The following MAGI2 variants were observed in gnomAD, a reference collection of about 807,000 sequenced individuals.
MAGI2 encodes membrane-associated guanylate kinase, WW and PDZ domain-containing protein 2.
MAGI2 carries 35 observed loss-of-function variants against 133.3 expected under a neutral mutation model. The observed-to-expected ratio is 0.26, with a 90% confidence interval of 0.20 to 0.35. The LOEUF is 0.35. Ranked by LOEUF, MAGI2 falls within the 10% of genes least tolerant of loss-of-function variation. The pLI is 1.00. For synonymous variants in MAGI2, 729 were observed against 710.6 expected (o/e 1.03, Z -0.41); for missense variants, 1,636 against 1,863.4 (o/e 0.88, Z 2.25).
chr7:79,229,118 T>C (rs1037916367), intron 1 of MAGI2, among the ~76,000 whole-genome samples: 3 of 151,200 alleles, frequency 2.0e-5, no homozygotes, highest in Non-Finnish European at 4.4e-5. Flanking sequence ...AAGACTTAAT[T>C]CCTAGATTTG....
At chr7:79,378,512 T>C (rs941102962) in intron 1 of MAGI2, among the ~76,000 whole-genome samples, 8 of 151,632 alleles carry the variant, frequency 5.3e-5, no homozygotes, top group Admixed American at 3.3e-4. Flanking sequence ...CATGATTTCA[T>C]TGTCTGGCAG....
At chr7:79,017,892 C>A (rs943378589) in intron 1 of MAGI2, among the ~76,000 whole-genome samples, 2 of 152,000 alleles carry the variant, frequency 1.3e-5, no homozygotes, top group Non-Finnish European at 2.9e-5. Context: ...AAATAAAAAA[C>A]CACAAGGAAA....
chr7:78,766,453 A>G (rs1480515053), intron 2 of MAGI2, among the ~76,000 whole-genome samples: 1 of 152,176 alleles, frequency 6.6e-6, no homozygotes, highest in Admixed American at 6.5e-5. Context: ...ATTTGAGCTG[A>G]GGTCCTATTA....
intron 1 of MAGI2, among the ~76,000 whole-genome samples, chr7:79,218,093 C>T (rs1830163318): frequency 6.6e-6 from 1 of 151,896 alleles, no homozygotes. Flanking sequence ...ATGAAGTTCC[C>T]TGATATGCAA....
chr7:78,758,558 T>C (rs1824186078), intron 2 of MAGI2, among the ~76,000 whole-genome samples: 1 of 152,204 alleles, frequency 6.6e-6, no homozygotes, highest in Non-Finnish European at 1.5e-5. Context: ...GTTCTTTCCA[T>C]ATTGTGAACT....
intron 1 of MAGI2, among the ~76,000 whole-genome samples, chr7:79,294,356 G>GA (rs1038572648): frequency 7.6e-4 from 112 of 148,092 alleles, no homozygotes; most frequent in African/African-American, 1.5e-3. Context: ...GGCAGAAAAG[G>GA]AAAAAAAAAA....
intron 2 of MAGI2, among the ~76,000 whole-genome samples, chr7:78,665,219 T>G (rs1813420839): frequency 6.6e-6 from 1 of 152,114 alleles, no homozygotes; most frequent in African/African-American, 2.4e-5. Flanking sequence ...TCTTGATACG[T>G]GGTATCAAAT....
intron 19 of MAGI2, among the ~76,000 whole-genome samples, chr7:78,126,321 G>A (rs557412218): frequency 6.6e-6 from 1 of 152,134 alleles, no homozygotes; most frequent in African/African-American, 2.4e-5. Flanking sequence ...AAGTTGGAAT[G>A]TACAAAATCA....
At chr7:78,394,502 C>T (rs540313181) in intron 6 of MAGI2, among the ~76,000 whole-genome samples, 1 of 152,262 alleles carries the variant, frequency 6.6e-6, no homozygotes, top group South Asian at 2.1e-4. Context: ...GGCTTTTACA[C>T]ATGTTGTTTG....
intron 9 of MAGI2, among the ~76,000 whole-genome samples, chr7:78,302,017 A>G (rs142347063): frequency 3.3e-5 from 5 of 152,348 alleles, no homozygotes; most frequent in African/African-American, 1.2e-4. Flanking sequence ...GGTCTGGCAC[A>G]TAGAGTGCTA....
Position 79,400,881 on chromosome 7 carries a change from C to T in MAGI2, c.301+52139G>A, listed in dbSNP as rs75364803. 8.8e-3 allele frequency among the ~76,000 whole-genome samples: 1,332 copies of T among 152,074 alleles called. 13 individuals carry two copies. Among genetic ancestry groups the T allele is most frequent in the African/African-American group, 0.031 (1,277 of 41,506 alleles). On this transcript the variant is annotated intron_variant, in intron 1 of 21. Transcript: ENST00000354212. ...GATGTTGAGCAGTTTTTTAGAAGAG[C>T]CTGCCTCAGTTACACTGGTCACATT... is the stretch of plus-strand genomic sequence containing the variant.
At chr7:78,452,431 T>A (rs546610870) in intron 6 of MAGI2, among the ~76,000 whole-genome samples, 11 of 152,072 alleles carry the variant, frequency 7.2e-5, no homozygotes, top group Non-Finnish European at 1.2e-4. Context: ...ACTAAAATTA[T>A]GCTTATGATT....
intron 1 of MAGI2, among the ~76,000 whole-genome samples, chr7:79,047,296 C>G (rs1483738768): frequency 6.6e-6 from 1 of 151,940 alleles, no homozygotes; most frequent in Non-Finnish European, 1.5e-5. Context: ...AGTTAAGGCA[C>G]AATGTGTATA....
intron 1 of MAGI2, among the ~76,000 whole-genome samples, chr7:79,027,167 A>G (rs936126962): frequency 2.0e-5 from 3 of 152,034 alleles, no homozygotes; most frequent in African/African-American, 7.2e-5. Flanking sequence ...GAATTACCAT[A>G]TGATCTAGCA....
intron 6 of MAGI2, chr7:78,485,836 C>T (rs902287161): frequency 6.6e-6 from 1 of 151,900 alleles, no homozygotes; most frequent in Non-Finnish European, 1.5e-5. Flanking sequence ...CCAGTAACAT[C>T]CAAAATGTAC....
intron 3 of MAGI2, among the ~76,000 whole-genome samples, chr7:78,626,826 A>ATGTGTG (rs71085549): frequency 7.4e-5 from 11 of 148,362 alleles, no homozygotes; most frequent in African/African-American, 1.7e-4. Flanking sequence ...GAATACTTCA[A>ATGTGTG]TGTGTGTGTG....
chr7:78,358,203 A>G (rs1162688593), intron 7 of MAGI2: 1 of 22,632 alleles, frequency 4.4e-5, no homozygotes, highest in African/African-American at 2.1e-4. Flanking sequence ...AAAAATATAT[A>G]TATATATATA....
chr7:79,294,322 G>A (rs2129559065), intron 1 of MAGI2, among the ~76,000 whole-genome samples: 1 of 152,088 alleles, frequency 6.6e-6, no homozygotes, highest in Admixed American at 6.5e-5. Flanking sequence ...ACACATAGAA[G>A]GGTGCGAAAA....
intron 20 of MAGI2, among the ~76,000 whole-genome samples, chr7:78,086,619 A>C (rs1816666697): frequency 7.1e-6 from 1 of 140,170 alleles, no homozygotes; most frequent in South Asian, 2.4e-4. Flanking sequence ...TCTCTGGGTG[A>C]TCACTTCCCA....
Sources: allele counts gnomAD v4.1 joint callset (sites outside exome capture counted in the v4.1 genomes callset), GRCh38; gene constraint gnomAD v4.1.1; transcripts MANE v1.5; gene names NCBI Gene and HGNC (gene_info 2026-07-23, HGNC 2026-07-21).